The following PARP8 variants were observed in gnomAD, a reference collection of about 807,000 sequenced individuals.
PARP8 encodes the protein poly(ADP-ribose) polymerase family member 8, also known as protein mono-ADP-ribosyltransferase PARP8.
In PARP8, 51 loss-of-function variants were observed where a neutral mutation model predicts 124.1. The observed-to-expected ratio is 0.41, with a 90% CI of 0.33 to 0.52. The LOEUF is 0.52. Among genes scored for constraint, PARP8 ranks in the 20% least tolerant of loss-of-function variants. The pLI is 0.21. For missense variants in PARP8, 860 were observed against 1,018.9 expected (o/e 0.84, Z 2.12); for synonymous variants, 391 against 361.5 (o/e 1.08, Z -0.93).
chr5:50,728,604 A>G (rs1027703982), intron 2 of PARP8, among the ~76,000 whole-genome samples: 2 of 151,962 alleles, frequency 1.3e-5, no homozygotes, highest in African/African-American at 4.8e-5. Flanking sequence ...TTGGCACCCA[A>G]ATAAGTCAGT....
At chr5:50,717,702 TGA>T in intron 2 of PARP8, among the ~76,000 whole-genome samples, 1 of 152,044 alleles carries the variant, frequency 6.6e-6, no homozygotes. Context: ...GCATAGAAAC[TGA>T]GAGATCATGG....
chr5:50,740,916 T>C (rs1266484683), intron 2 of PARP8, among the ~76,000 whole-genome samples: 1 of 152,222 alleles, frequency 6.6e-6, no homozygotes, highest in Non-Finnish European at 1.5e-5. Flanking sequence ...CTGAGGGTTG[T>C]ATCATACTAT....
intron 2 of PARP8, among the ~76,000 whole-genome samples, chr5:50,671,516 AT>A (rs199529404): frequency 4.1e-5 from 6 of 146,828 alleles, no homozygotes; most frequent in African/African-American, 5.0e-5. Context: ...AAAAAAAAAA[AT>A]AAAAAAAAAG....
intron 2 of PARP8, among the ~76,000 whole-genome samples, chr5:50,717,818 A>G (rs1321079547): frequency 6.6e-6 from 1 of 151,866 alleles, no homozygotes; most frequent in African/African-American, 2.4e-5. Flanking sequence ...ATTTTGCATA[A>G]TCATTAACTA....
intron 2 of PARP8, among the ~76,000 whole-genome samples, chr5:50,725,963 AT>A (rs1756384638): frequency 6.6e-6 from 1 of 152,102 alleles, no homozygotes; most frequent in Non-Finnish European, 1.5e-5. Context: ...CCGGAGACGC[AT>A]CCTGTAGAGC....
intron 25 of PARP8, among the ~76,000 whole-genome samples, chr5:50,839,445 C>G (rs546354693): frequency 6.6e-6 from 1 of 151,950 alleles, no homozygotes; most frequent in South Asian, 2.1e-4. Context: ...TACTCTAATA[C>G]CACTAGCAAC....
intron 2 of PARP8, among the ~76,000 whole-genome samples, chr5:50,747,028 TA>T (rs1441472745): frequency 6.6e-6 from 1 of 151,850 alleles, no homozygotes; most frequent in African/African-American, 2.4e-5. Flanking sequence ...ACCTCATCTC[TA>T]AAAAAAATTT....
chr5:50,760,167 T>A (rs1180018042), intron 4 of PARP8, 125 bp from the exon 5 acceptor site: 6 of 862,172 alleles, frequency 7.0e-6, no homozygotes, highest in Non-Finnish European at 8.2e-6. Context: ...TTTCAAAATA[T>A]CCCTTAATTC....
chr5:50,667,631 G>A (rs773053507), intron 1 of PARP8: 48 of 698,978 alleles, frequency 6.9e-5, no homozygotes, highest in South Asian at 6.2e-4. Context: ...GAGGACCCCC[G>A]GGGGGCAGCG....
At chr5:50,836,686 A>G (rs762694148) in intron 25 of PARP8, among the ~76,000 whole-genome samples, 2 of 152,222 alleles carry the variant, frequency 1.3e-5, no homozygotes, top group Non-Finnish European at 2.9e-5. Flanking sequence ...CACAGTACCT[A>G]TAAAGTTTAT....
At chr5:50,776,677 T>G (rs1740067584) in intron 7 of PARP8, among the ~76,000 whole-genome samples, 1 of 152,154 alleles carries the variant, frequency 6.6e-6, no homozygotes, top group Non-Finnish European at 1.5e-5. Context: ...TATGCTTTGG[T>G]TTTTGGTCAT....
At chr5:50,832,645 C>A in intron 22 of PARP8, 136 bp from the exon 23 acceptor site, 1 of 732,938 alleles carries the variant, frequency 1.4e-6, no homozygotes, top group South Asian at 2.0e-5. Flanking sequence ...GCTAAGGGCA[C>A]AGCCCTTTGT....
intron 10 of PARP8, among the ~76,000 whole-genome samples, chr5:50,789,690 T>G (rs1741728564): frequency 6.6e-6 from 1 of 152,210 alleles, no homozygotes; most frequent in Non-Finnish European, 1.5e-5. Context: ...ATATCAGCTT[T>G]AAGAATTTGT....
chr5:50,808,078 A>G (rs1202037675), intron 14 of PARP8, among the ~76,000 whole-genome samples: 6 of 151,960 alleles, frequency 3.9e-5, no homozygotes, highest in Admixed American at 1.3e-4. Flanking sequence ...GAAATTAAGA[A>G]CACCCAGTTA....
At chr5:50,796,259 A>C (rs893677430) in intron 12 of PARP8, among the ~76,000 whole-genome samples, 1 of 152,172 alleles carries the variant, frequency 6.6e-6, no homozygotes, top group Non-Finnish European at 1.5e-5. Flanking sequence ...CAAGAGATGA[A>C]ATTGAAAAAA....
At chr5:50,787,624 A>G (rs1286764688) in intron 9 of PARP8, among the ~76,000 whole-genome samples, 1 of 151,812 alleles carries the variant, frequency 6.6e-6, no homozygotes, top group Non-Finnish European at 1.5e-5. Context: ...GGGTGCAGGG[A>G]TATTCGTGGG....
chr5:50,757,208 T>C, intron 3 of PARP8: 1 of 455,560 alleles, frequency 2.2e-6, no homozygotes, highest in Non-Finnish European at 4.4e-6. Context: ...AAAGGATTGC[T>C]GAAATGGGTA....
At chr5:50,793,233 T>A (rs1742161815) in intron 10 of PARP8, among the ~76,000 whole-genome samples, 1 of 152,224 alleles carries the variant, frequency 6.6e-6, no homozygotes, top group South Asian at 2.1e-4. Context: ...AGCAATGTGT[T>A]AGAAATAACT....
At chr5:50,692,348 A>G (rs571611591) in intron 2 of PARP8, among the ~76,000 whole-genome samples, 82 of 152,170 alleles carry the variant, frequency 5.4e-4, no homozygotes, top group African/African-American at 1.8e-3. Context: ...TTTCAGTGGA[A>G]GTCTTCCCTA....
Sources: allele counts gnomAD v4.1 joint callset (sites outside exome capture counted in the v4.1 genomes callset), GRCh38; gene constraint gnomAD v4.1.1; transcripts MANE v1.5; gene names NCBI Gene and HGNC (gene_info 2026-07-23, HGNC 2026-07-21).